Variants in PTPRE observed in about 807,000 individuals in gnomAD.
The protein encoded by PTPRE is receptor-type tyrosine-protein phosphatase epsilon.
In PTPRE, 51 loss-of-function variants were observed where a neutral mutation model predicts 102.0. That is an observed-to-expected ratio of 0.50 (90% CI 0.40 to 0.63). The LOEUF is 0.63. Among genes scored for constraint, PTPRE ranks in the 30% least tolerant of loss-of-function variants. The pLI, the probability that PTPRE is intolerant of heterozygous loss-of-function variation, is 0.00. For missense variants in PTPRE, 752 were observed against 915.1 expected, an observed-to-expected ratio of 0.82 and a Z score of 2.30; for synonymous variants, 345 against 348.2, an observed-to-expected ratio of 0.99 and a Z score of 0.10.
chr10:127,956,897 G>A (rs1207100208), intron 1 of PTPRE, among the ~76,000 whole-genome samples: 1 of 151,910 alleles, frequency 6.6e-6, no homozygotes, highest in Non-Finnish European at 1.5e-5. Context: ...TCTGGTCTTT[G>A]CCTGTTTTTT....
chr10:127,911,015 A>G (rs1333563577), intron 1 of PTPRE, among the ~76,000 whole-genome samples: 2 of 152,284 alleles, frequency 1.3e-5, no homozygotes, highest in African/African-American at 4.8e-5. Flanking sequence ...CTGGGAGGTC[A>G]GGGCTGCAGT....
At chr10:128,069,459 C>A (rs1273802788) in intron 12 of PTPRE, 1 of 554,214 alleles carries the variant, frequency 1.8e-6, no homozygotes, top group Non-Finnish European at 3.2e-6. Context: ...CTTACTGCAC[C>A]AGCTGTTAAT....
chr10:128,073,495 TC>T, intron 17 of PTPRE, 24 bp downstream of exon 17: 3 of 1,601,702 alleles, frequency 1.9e-6, no homozygotes, highest in Non-Finnish European at 2.6e-6. Context: ...CCCAGCCCGG[TC>T]CCTCCAGGGC....
At chr10:128,011,481 G>A (rs1355607444) in intron 2 of PTPRE, among the ~76,000 whole-genome samples, 2 of 152,228 alleles carry the variant, frequency 1.3e-5, no homozygotes, top group African/African-American at 4.8e-5. Context: ...CGGGTGCGCG[G>A]TAGACGTTCC....
Position 128,070,297 on chromosome 10 carries a change from G to A in PTPRE, c.1144-4G>A, listed in dbSNP as rs1264676525. ...GGGTGTGGGCACCCCTGGCCTCTCT[G>A]CAGATGCAGTACACGTTCATCTACC... On this transcript the variant is annotated splice_polypyrimidine_tract_variant and splice_region_variant and intron_variant, in intron 13 of 20. Transcript: ENST00000254667. This position sits in a 1 kb window ranked among gnomAD's most constrained non-coding sequence, Gnocchi z 4.8. 1.9e-6 allele frequency: 3 copies of A among 1,605,264 alleles called. No homozygotes were observed. Among genetic ancestry groups the A allele is most frequent in the Non-Finnish European group, 2.6e-6 (3 of 1,175,482 alleles).
chr10:128,082,479 T>G lies in PTPRE; in HGVS notation c.2029-353T>G, dbSNP rs143842356. 5.9e-3 allele frequency among the ~76,000 whole-genome samples: 900 copies of G among 152,058 alleles called. 7 individuals are homozygous for G. Among genetic ancestry groups the G allele is most frequent in the Middle Eastern group, 0.017 (5 of 294 alleles). ...ATCCTCCTGCCTCAGCCTCTCAAAG[T>G]GCTCTTATTACAGACGTTGAGCCAT... On this transcript the variant is annotated intron_variant, in intron 20 of 20. Coordinates refer to ENST00000254667, the MANE Select transcript of PTPRE (RefSeq NM_006504.6).
At chr10:128,024,866 T>C (rs557072256) in intron 2 of PTPRE, among the ~76,000 whole-genome samples, 1 of 152,284 alleles carries the variant, frequency 6.6e-6, no homozygotes, top group South Asian at 2.1e-4. Flanking sequence ...GCAGTGTTTA[T>C]ATAAGAAAGC....
Position 128,063,068 on chromosome 10 carries a change from G to T in PTPRE, c.626-15G>T. ...CTTCATGCCTTTTGACTTCGAAATT[G>T]TCCTCTACACACAGGTCCCAAACAG... On this transcript the variant is annotated splice_polypyrimidine_tract_variant and intron_variant, in intron 9 of 20. Coordinates refer to ENST00000254667, the MANE Select transcript of PTPRE (RefSeq NM_006504.6). The T allele has an allele frequency of 1.9e-6, 3 of 1,613,990 alleles. No homozygotes were observed. The highest frequency in any genetic ancestry group is 2.5e-6 in the Non-Finnish European group (3 of 1,179,892).
At chr10:127,987,320 C>T in intron 2 of PTPRE, 1 of 1,262,402 alleles carries the variant, frequency 7.9e-7, no homozygotes, top group South Asian at 1.3e-5. Context: ...TCTAGAAATC[C>T]TTTCTCAGCT....
intron 15 of PTPRE, chr10:128,071,743 C>T (rs969460260): frequency 1.1e-5 from 2 of 182,362 alleles, no homozygotes; most frequent in Non-Finnish European, 2.3e-5. Context: ...GCACTGCAGG[C>T]GAGTAGAGCT....
At chr10:128,003,705 T>C (rs559215789) in intron 2 of PTPRE, among the ~76,000 whole-genome samples, 13 of 152,326 alleles carry the variant, frequency 8.5e-5, no homozygotes, top group African/African-American at 2.9e-4. Context: ...TTAATTAGTA[T>C]AAATGTTGCC....
intron 2 of PTPRE, among the ~76,000 whole-genome samples, chr10:128,017,551 C>T (rs536624703): frequency 1.8e-4 from 28 of 152,168 alleles, no homozygotes; most frequent in African/African-American, 6.0e-4. Context: ...CCTTCCCCAC[C>T]GACAACATCC....
chr10:127,999,052 T>C (rs1481847256), intron 2 of PTPRE: 1 of 152,188 alleles, frequency 6.6e-6, no homozygotes. Flanking sequence ...GAAATAGCAT[T>C]GTTCTTTACG....
At chr10:127,931,410 A>G (rs1847431925) in intron 1 of PTPRE, among the ~76,000 whole-genome samples, 1 of 152,238 alleles carries the variant, frequency 6.6e-6, no homozygotes, top group Non-Finnish European at 1.5e-5. Flanking sequence ...CTGACTTTAA[A>G]ATGTTCTTTA....
intron 17 of PTPRE, 41 bp downstream of exon 17, chr10:128,073,512 G>A (rs1417083178): frequency 6.3e-7 from 1 of 1,599,232 alleles, no homozygotes; most frequent in Non-Finnish European, 8.5e-7. Context: ...AGGGCAGCCT[G>A]TGCACCTGAG....
chr10:128,062,708 A>C (rs1275901493), intron 9 of PTPRE, among the ~76,000 whole-genome samples: 1 of 152,194 alleles, frequency 6.6e-6, no homozygotes, highest in Non-Finnish European at 1.5e-5. Flanking sequence ...TAAGATTTTG[A>C]CAAAGAGGAG....
At chr10:128,007,189 T>A (rs1419055499) in intron 2 of PTPRE, among the ~76,000 whole-genome samples, 2 of 152,200 alleles carry the variant, frequency 1.3e-5, no homozygotes, top group Non-Finnish European at 2.9e-5. Context: ...TTTGAGGGGA[T>A]GTGGCTGAGT....
At chr10:128,049,934 C>A (rs1268899689) in intron 6 of PTPRE, among the ~76,000 whole-genome samples, 1 of 152,124 alleles carries the variant, frequency 6.6e-6, no homozygotes, top group East Asian at 1.9e-4. Flanking sequence ...GTTCTAAAAT[C>A]AACTGTGGCA....
At chr10:127,927,716 T>C (rs1386251163) in intron 1 of PTPRE, among the ~76,000 whole-genome samples, 1 of 152,198 alleles carries the variant, frequency 6.6e-6, no homozygotes, top group Non-Finnish European at 1.5e-5. Flanking sequence ...GGTTGTCACG[T>C]CTTTGAGTAA....
Sources: gnomAD v4.1 joint callset for allele counts (sites outside exome capture counted in the v4.1 genomes callset) on GRCh38, gnomAD v4.1.1 for gene constraint, Gnocchi (gnomAD v3.1) non-coding constraint, MANE v1.5 for transcripts, NCBI Gene and HGNC (gene_info 2026-07-23, HGNC 2026-07-21) for gene names.